COLGALT2: variants seen among roughly 807,000 people sequenced by gnomAD.
COLGALT2 encodes the protein procollagen galactosyltransferase 2.
Under a neutral mutation model 73.4 loss-of-function variants are expected in COLGALT2, and 49 were observed. That is an observed-to-expected ratio of 0.67 (90% CI 0.53 to 0.85). The LOEUF (loss-of-function observed/expected upper bound fraction) is 0.85. Ranked by LOEUF, COLGALT2 falls within the 40% of genes least tolerant of loss-of-function variation. COLGALT2 has a pLI of 0.00. For synonymous variants in COLGALT2, 295 were observed against 307.6 expected, an observed-to-expected ratio of 0.96 and a Z score of 0.43; for missense variants, 722 against 790.2, an observed-to-expected ratio of 0.91 and a Z score of 1.03.
chr1:183,942,971 T>C (rs1413393544), intron 10 of COLGALT2, among the ~76,000 whole-genome samples: 1 of 152,230 alleles, frequency 6.6e-6, no homozygotes, highest in African/African-American at 2.4e-5. Context: ...ACAAGTCACG[T>C]GGACATCAAG....
chr1:183,973,872 T>C (rs1399237383), intron 3 of COLGALT2, 122 bp from the exon 4 acceptor site: 1 of 870,104 alleles, frequency 1.1e-6, no homozygotes, highest in South Asian at 1.8e-5. Context: ...CAGCTATCTA[T>C]GTCCTCCTTA....
In COLGALT2 at chr1:183,950,474, T is replaced by TAA. The variant is rs200217667; in HGVS notation, c.1136+531_1136+532dup. On this transcript the variant is annotated intron_variant, in intron 8 of 11. Transcript: ENST00000361927. The stretch of plus-strand genomic sequence containing the variant: ...AATAAAAGGGCAAAGCTGAACAAAA[T>TAA]AAAAAAAAAAAAAAAGAAGGGATCT... Among the ~76,000 whole-genome samples, 48 of 119,472 alleles carry TAA rather than the reference T, an allele frequency of 4.0e-4. 1 individual carries two copies. Among genetic ancestry groups the TAA allele is most frequent in the South Asian group, 2.5e-3 (10 of 4,050 alleles). The allele number at this position is 119,472 out of a possible 152,430, so 78.4% of individuals were successfully genotyped here. A position where few individuals can be genotyped will look rare whatever the true frequency, so the allele number is the denominator to read the frequency against.
chr1:183,981,765 T>G (rs1671359146), intron 1 of COLGALT2, among the ~76,000 whole-genome samples: 2 of 152,194 alleles, frequency 1.3e-5, no homozygotes, highest in Admixed American at 1.3e-4. Flanking sequence ...CAAAAAATTT[T>G]TTTTATCTCC....
intron 10 of COLGALT2, among the ~76,000 whole-genome samples, chr1:183,941,417 G>T (rs1670105480): frequency 6.6e-6 from 1 of 152,148 alleles, no homozygotes; most frequent in Admixed American, 6.5e-5. Context: ...TCTGAGAAAG[G>T]CCCCCCAGGC....
In COLGALT2 at chr1:183,964,207, G is replaced by A. The variant is rs368812689; in HGVS notation, c.833-187C>T. The A allele has an allele frequency of 1.3e-4, 65 of 504,650 alleles. 1 individual carries two copies. Among genetic ancestry groups the A allele is most frequent in the Non-Finnish European group, 1.9e-4 (55 of 291,784 alleles). 31.3% of individuals were successfully genotyped at this position (504,650 alleles called of 1,614,324 possible). A position where few individuals can be genotyped will look rare whatever the true frequency, so the allele number is the denominator to read the frequency against. On this transcript the variant is annotated intron_variant, in intron 5 of 11. Coordinates refer to ENST00000361927, the MANE Select transcript of COLGALT2 (RefSeq NM_015101.4). Reference sequence around the variant, plus strand: ...TTAAAAAAGTAAAACACAGCATTGGGGACTAATAAAAACACTCGGCTATTC... The same window carrying A: ...TTAAAAAAGTAAAACACAGCATTGGAGACTAATAAAAACACTCGGCTATTC...
At chr1:183,971,772 A>G (rs1671044300) in intron 4 of COLGALT2, among the ~76,000 whole-genome samples, 1 of 152,228 alleles carries the variant, frequency 6.6e-6, no homozygotes. Context: ...TGACATGTTG[A>G]TAGCTTGGAA....
At chr1:183,995,881 T>C (rs1354732826) in intron 1 of COLGALT2, among the ~76,000 whole-genome samples, 2 of 152,164 alleles carry the variant, frequency 1.3e-5, no homozygotes, top group African/African-American at 4.8e-5. Flanking sequence ...TATACCCCAT[T>C]TTATTATTAT....
downstream of COLGALT2, among the ~76,000 whole-genome samples, chr1:183,933,493 A>G (rs1321190955): frequency 2.0e-5 from 3 of 152,254 alleles, no homozygotes; most frequent in South Asian, 2.1e-4. Context: ...TTTTAAAAGC[A>G]GTTAAAGCCC....
chr1:184,001,027 G>T (rs1469559825), intron 1 of COLGALT2, among the ~76,000 whole-genome samples: 2 of 151,958 alleles, frequency 1.3e-5, no homozygotes, highest in South Asian at 2.1e-4. Context: ...TAGAGACGGG[G>T]TTTCACTGTG....
Position 184,037,653 on chromosome 1 carries a change from C to T in COLGALT2, c.-296G>A. On this transcript the variant is annotated 5_prime_UTR_variant, in exon 1 of 12. Coordinates refer to ENST00000361927, the MANE Select transcript of COLGALT2 (RefSeq NM_015101.4). ...GGCCGAGGGGCTGTGTGCCCTGAGT[C>T]CTGAGGAAAGTTCCTCTAGTCCAGG... 3.9e-6 allele frequency: 4 copies of T among 1,036,264 alleles called. No individual in the cohort carries two copies. The South Asian group carries it at 1.8e-4, about 48-fold the overall frequency. The allele number at this position is 1,036,264 out of a possible 1,614,324, so 64.2% of individuals were successfully genotyped here.
intron 1 of COLGALT2, among the ~76,000 whole-genome samples, chr1:184,022,904 A>C (rs1026753040): frequency 1.3e-5 from 2 of 152,218 alleles, no homozygotes; most frequent in Non-Finnish European, 1.5e-5. Flanking sequence ...AGAAACTCAA[A>C]ACAGCTGGCA....
chr1:183,998,007 A>C (rs1483659933), intron 1 of COLGALT2, among the ~76,000 whole-genome samples: 1 of 152,206 alleles, frequency 6.6e-6, no homozygotes, highest in Non-Finnish European at 1.5e-5. Flanking sequence ...TATATGAACA[A>C]TAGTGCATTT....
intron 1 of COLGALT2, among the ~76,000 whole-genome samples, chr1:184,011,474 A>C (rs182326209): frequency 3.3e-5 from 5 of 152,306 alleles, no homozygotes; most frequent in Admixed American, 2.0e-4. Flanking sequence ...GTCTGCTGAA[A>C]ACCTTTTCCT....
chr1:184,017,277 A>G (rs1649031296), intron 1 of COLGALT2, among the ~76,000 whole-genome samples: 1 of 152,230 alleles, frequency 6.6e-6, no homozygotes, highest in Non-Finnish European at 1.5e-5. Context: ...TATTCACTTC[A>G]TTATCAAGTA....
intron 1 of COLGALT2, among the ~76,000 whole-genome samples, chr1:184,014,680 A>AT (rs1648943025): frequency 6.6e-6 from 1 of 152,258 alleles, no homozygotes; most frequent in South Asian, 2.1e-4. Flanking sequence ...ACAAGGGAAG[A>AT]AGATGAGGCA....
intron 5 of COLGALT2, among the ~76,000 whole-genome samples, chr1:183,968,780 C>T (rs898744246): frequency 3.9e-5 from 6 of 152,102 alleles, no homozygotes; most frequent in Admixed American, 6.5e-5. Flanking sequence ...GGCAGTACCT[C>T]GTGGAGTGTG....
chr1:183,989,011 T>C (rs982387486), intron 1 of COLGALT2, among the ~76,000 whole-genome samples: 1 of 152,210 alleles, frequency 6.6e-6, no homozygotes, highest in African/African-American at 2.4e-5. Context: ...ATTATCCCCA[T>C]TTTACAGAAG....
chr1:183,983,751 T>A (rs1671415687), intron 1 of COLGALT2, among the ~76,000 whole-genome samples: 1 of 152,120 alleles, frequency 6.6e-6, no homozygotes, highest in Admixed American at 6.5e-5. Context: ...CAGTGGCCCC[T>A]CTCTCAGTCT....
chr1:183,941,778 G>A (rs927601818), intron 10 of COLGALT2, among the ~76,000 whole-genome samples: 1 of 152,122 alleles, frequency 6.6e-6, no homozygotes, highest in African/African-American at 2.4e-5. Flanking sequence ...AGCTTCTCTC[G>A]TGTCTCATCC....
Sources: allele counts gnomAD v4.1 joint callset (sites outside exome capture counted in the v4.1 genomes callset), GRCh38; gene constraint gnomAD v4.1.1; transcripts MANE v1.5; gene names NCBI Gene and HGNC (gene_info 2026-07-23, HGNC 2026-07-21).